Variants in ABCA12 observed in about 807,000 individuals in gnomAD.
ABCA12 encodes ATP binding cassette subfamily A member 12.
A neutral mutation model predicts 293.5 loss-of-function variants in ABCA12; 156 were observed. That is an observed-to-expected ratio of 0.53 (90% confidence interval 0.47 to 0.61). The LOEUF (loss-of-function observed/expected upper bound fraction) is 0.61. Among genes scored for constraint, ABCA12 ranks in the 20% least tolerant of loss-of-function variants. The pLI is 0.00. For missense variants in ABCA12, 2,797 were observed against 3,090.2 expected (o/e 0.91, Z 2.25); for synonymous variants, 1,063 against 1,108.0 (o/e 0.96, Z 0.81).
intron 9 of ABCA12, among the ~76,000 whole-genome samples, chr2:215,027,668 T>TA (rs1442651459): frequency 1.3e-5 from 2 of 152,174 alleles, no homozygotes; most frequent in Non-Finnish European, 2.9e-5. Context: ...AATTTTTTTT[T>TA]ACTTTTCATT....
intron 49 of ABCA12, among the ~76,000 whole-genome samples, chr2:214,944,292 G>A (rs1021055001): frequency 1.3e-5 from 2 of 151,992 alleles, no homozygotes; most frequent in African/African-American, 4.8e-5. Flanking sequence ...GGCACCAGTA[G>A]TCCCAGCTTC....
intron 17 of ABCA12, 27 bp from the exon 18 acceptor site, chr2:215,010,497 A>G (rs117345021): frequency 1.2e-6 from 2 of 1,610,666 alleles, no homozygotes. Context: ...AAATAAAACC[A>G]TTTAATAGAT....
intron 2 of ABCA12, among the ~76,000 whole-genome samples, chr2:215,088,720 T>C (rs1702085769): frequency 6.6e-6 from 1 of 152,132 alleles, no homozygotes; most frequent in South Asian, 2.1e-4. Flanking sequence ...GAGGCAAAAT[T>C]GATTTCATTA....
chr2:215,004,408 C>T, intron 19 of ABCA12, 109 bp from the exon 20 acceptor site: 2 of 765,718 alleles, frequency 2.6e-6, no homozygotes, highest in Non-Finnish European at 4.4e-6. Flanking sequence ...TGGGCATTAT[C>T]AATGCACTGT....
intron 1 of ABCA12, among the ~76,000 whole-genome samples, chr2:215,135,427 G>A (rs922224807): frequency 6.6e-6 from 1 of 151,994 alleles, no homozygotes; most frequent in East Asian, 1.9e-4. Context: ...ACCTTGCTTT[G>A]TGATGGAATT....
intron 3 of ABCA12, among the ~76,000 whole-genome samples, chr2:215,063,367 G>A (rs1701573961): frequency 6.6e-6 from 1 of 151,952 alleles, no homozygotes; most frequent in Non-Finnish European, 1.5e-5. Context: ...AACAGAATTA[G>A]CGCATGGTTG....
chr2:215,025,322 G>T, intron 11 of ABCA12: 1 of 204,848 alleles, frequency 4.9e-6, no homozygotes, highest in Non-Finnish European at 9.9e-6. Context: ...TTTAAAGACA[G>T]GGTCTCACAC....
intron 9 of ABCA12, among the ~76,000 whole-genome samples, chr2:215,028,651 C>G (rs1285072909): frequency 2.6e-5 from 4 of 152,256 alleles, no homozygotes; most frequent in African/African-American, 7.2e-5. Context: ...ATAAAATAAA[C>G]TATCTATTAG....
intron 1 of ABCA12, among the ~76,000 whole-genome samples, chr2:215,134,344 A>G (rs1559213670): frequency 6.8e-6 from 1 of 146,246 alleles, no homozygotes; most frequent in Non-Finnish European, 1.5e-5. Flanking sequence ...ATATATATGT[A>G]TATGTGTATA....
intron 2 of ABCA12, among the ~76,000 whole-genome samples, chr2:215,077,494 C>A (rs764969614): frequency 1.3e-5 from 2 of 152,092 alleles, no homozygotes; most frequent in Non-Finnish European, 2.9e-5. Flanking sequence ...ATGATACTAG[C>A]TGGGATTTCT....
At chr2:215,033,384 A>G (rs1013515903) in intron 8 of ABCA12, among the ~76,000 whole-genome samples, 5 of 152,174 alleles carry the variant, frequency 3.3e-5, no homozygotes, top group Non-Finnish European at 7.4e-5. Flanking sequence ...GCTAATTGGT[A>G]TTTGTAATAC....
At chr2:214,960,925 A>G (rs1278002541) in intron 39 of ABCA12, among the ~76,000 whole-genome samples, 1 of 152,154 alleles carries the variant, frequency 6.6e-6, no homozygotes, top group Non-Finnish European at 1.5e-5. Context: ...AGATATTGAC[A>G]TTGCAAAGGA....
chr2:215,022,615 C>T (rs1161284314), intron 11 of ABCA12: 3 of 152,126 alleles, frequency 2.0e-5, no homozygotes, highest in African/African-American at 4.8e-5. Context: ...TCTTTTATCA[C>T]GAGTAAAAGT....
At chr2:215,082,439 C>T (rs187527143) in intron 2 of ABCA12, among the ~76,000 whole-genome samples, 1 of 152,212 alleles carries the variant, frequency 6.6e-6, no homozygotes, top group Non-Finnish European at 1.5e-5. Flanking sequence ...TAACTTTCAA[C>T]CATAGGCTGT....
intron 3 of ABCA12, among the ~76,000 whole-genome samples, chr2:215,062,684 C>CGGCACGCAA (rs1553539501): frequency 1.3e-5 from 2 of 151,302 alleles, no homozygotes; most frequent in African/African-American, 2.4e-5. Context: ...TGCTGTTTCT[C>CGGCACGCAA]GGCATGCAAC....
intron 28 of ABCA12, among the ~76,000 whole-genome samples, chr2:214,984,802 C>T (rs1013294842): frequency 2.0e-5 from 3 of 152,136 alleles, no homozygotes; most frequent in Admixed American, 1.3e-4. Context: ...GGACCATCAC[C>T]ATCACCACCT....
chr2:215,063,059 T>C (rs1423143966), intron 3 of ABCA12, among the ~76,000 whole-genome samples: 1 of 152,034 alleles, frequency 6.6e-6, no homozygotes. Context: ...CAGATTCTTT[T>C]AAGCATCAAG....
intron 4 of ABCA12, among the ~76,000 whole-genome samples, chr2:215,052,811 C>G (rs1038288845): frequency 3.3e-5 from 5 of 152,088 alleles, no homozygotes; most frequent in African/African-American, 1.2e-4. Context: ...GTTGTTTATC[C>G]AATCATTTAG....
In ABCA12 at chr2:215,122,648, G is replaced by A. The variant is rs183010871; in HGVS notation, c.70-10958C>T. ...TAGTTCTATCATCAACTGAGCTACA[G>A]TGTGATCCAGTAGCGAAACAGTTAC... On this transcript the variant is annotated intron_variant, in intron 1 of 52. Transcript: ENST00000272895. Among the ~76,000 whole-genome samples the A allele has an allele frequency of 4.6e-5, 7 of 152,302 alleles. No individual in the cohort carries two copies. The East Asian group carries it at 1.4e-3, about 29-fold the overall frequency.
Sources: allele counts gnomAD v4.1 joint callset (sites outside exome capture counted in the v4.1 genomes callset), GRCh38; gene constraint gnomAD v4.1.1; transcripts MANE v1.5; gene names NCBI Gene and HGNC (gene_info 2026-07-23, HGNC 2026-07-21).